The following SI variants were observed in gnomAD, a reference collection of about 807,000 sequenced individuals.
SI encodes sucrase-isomaltase, intestinal.
In SI, 235 loss-of-function variants were observed where a neutral mutation model predicts 253.3. The observed-to-expected ratio is 0.93, with a 90% CI of 0.83 to 1.03. The LOEUF is 1.03. SI is among the 50% of genes least tolerant of loss of function. The pLI, the probability that SI is intolerant of heterozygous loss-of-function variation, is 0.00. For synonymous variants in SI, 819 were observed against 712.0 expected (o/e 1.15, Z -2.39); for missense variants, 2,442 against 2,211.1 (o/e 1.10, Z -2.09).
intron 20 of SI, among the ~76,000 whole-genome samples, chr3:165,038,313 A>C (rs1712638176): frequency 6.6e-6 from 1 of 151,994 alleles, no homozygotes; most frequent in Non-Finnish European, 1.5e-5. Flanking sequence ...TTTTGGTTTA[A>C]AGTTTATGCC....
chr3:165,088,166 C>A, the SI span, among the ~76,000 whole-genome samples: 1 of 150,740 alleles, frequency 6.6e-6, no homozygotes, highest in African/African-American at 2.4e-5. Context: ...GAGAACATGG[C>A]AAAACCTTGT....
At chr3:165,075,806 C>G in intron 2 of SI, 89 bp downstream of exon 2, 4 of 824,026 alleles carry the variant, frequency 4.9e-6, no homozygotes, top group Non-Finnish European at 8.3e-6. Context: ...TCATCTTACA[C>G]AGATTATTTT....
At chr3:165,050,944 T>G (rs1298029671) in intron 13 of SI, among the ~76,000 whole-genome samples, 1 of 152,074 alleles carries the variant, frequency 6.6e-6, no homozygotes. Context: ...CTATCTTTCA[T>G]ACTACTTTCT....
chr3:165,016,145 A>T lies in SI; in HGVS notation c.3760-65T>A. ...CAAAATAGTAAGTGTATCATATTTT[A>T]TCATACTTATAAAAGTAACAGCAAT... On this transcript the variant is annotated intron_variant, in intron 31 of 47. Transcript: ENST00000264382. 5 of 1,394,254 alleles carry T rather than the reference A, an allele frequency of 3.6e-6. No individual in the cohort carries two copies. The South Asian group carries it at 4.6e-5, about 13-fold the overall frequency. The allele number at this position is 1,394,254 out of a possible 1,614,324, so 86.4% of individuals were successfully genotyped here. A position where few individuals can be genotyped will look rare whatever the true frequency, so the allele number is the denominator to read the frequency against.
intron 34 of SI, among the ~76,000 whole-genome samples, chr3:165,010,102 G>A (rs189380069): frequency 5.8e-4 from 88 of 152,138 alleles, no homozygotes; most frequent in African/African-American, 2.0e-3. Flanking sequence ...AGATATCGGA[G>A]GACATACAGA....
At chr3:165,042,875 C>T (rs576196100) in intron 17 of SI, among the ~76,000 whole-genome samples, 184 bp downstream of exon 17, 40 of 151,978 alleles carry the variant, frequency 2.6e-4, no homozygotes, top group Admixed American at 1.2e-3. Flanking sequence ...CTTATTTGAC[C>T]GTTTTTTAAA....
At chr3:165,011,114 T>G (rs180691078) in intron 34 of SI, among the ~76,000 whole-genome samples, 14 of 152,304 alleles carry the variant, frequency 9.2e-5, no homozygotes, top group African/African-American at 2.6e-4. Context: ...TGTGTTTTTC[T>G]TTTAATTTTT....
chr3:165,058,890 A>ACACG, intron 12 of SI, 73 bp downstream of exon 12: 1 of 1,256,210 alleles, frequency 8.0e-7, no homozygotes, highest in Non-Finnish European at 1.2e-6. Context: ...ACACACACGC[A>ACACG]CATCCACAGA....
chr3:165,048,758 C>T (rs1713270035), intron 15 of SI, among the ~76,000 whole-genome samples: 1 of 151,794 alleles, frequency 6.6e-6, no homozygotes, highest in African/African-American at 2.4e-5. Context: ...ACTGGGATTA[C>T]AGGTGCCTGC....
chr3:165,007,893 A>T lies in SI; in HGVS notation c.4267+18T>A. On this transcript the variant is annotated intron_variant, in intron 36 of 47. Transcript: ENST00000264382. ...ATAATAACATGATAATATCAAAGGC[A>T]TACCAACAATATTGTACCTGGGAAA... 1 of 1,314,390 alleles carries T rather than the reference A, an allele frequency of 7.6e-7. No individual in the cohort carries two copies. Among genetic ancestry groups the T allele is most frequent in the Non-Finnish European group, 1.1e-6 (1 of 910,908 alleles). 81.4% of individuals were successfully genotyped at this position (1,314,390 alleles called of 1,614,324 possible).
At chr3:165,038,048 A>G in intron 20 of SI, 24 bp from the exon 21 acceptor site, 2 of 1,568,364 alleles carry the variant, frequency 1.3e-6, no homozygotes, top group African/African-American at 1.4e-5. Flanking sequence ...GATTAAAAAC[A>G]TTCTTAATAT....
intron 24 of SI, among the ~76,000 whole-genome samples, chr3:165,031,498 G>A (rs907540869): frequency 6.7e-6 from 1 of 149,314 alleles, no homozygotes; most frequent in African/African-American, 2.4e-5. Flanking sequence ...TTCACAATAA[G>A]CTTGTATTAC....
chr3:165,007,823 C>T, intron 36 of SI, 88 bp downstream of exon 36: 1 of 455,162 alleles, frequency 2.2e-6, no homozygotes, highest in Non-Finnish European at 4.0e-6. Flanking sequence ...CTATGTATAG[C>T]TAACTGATAT....
At position 165,015,128 on chromosome 3, in the gene SI, C is replaced by T. The variant is rs768951450; in HGVS notation, c.3994G>A (p.Ala1332Thr). ...TCAAGATATCGATTTAGTACCTTTGCCCAACAAATGTCATTGGTGTTTGGC... is the reference window on the plus strand; with the variant it reads ...TCAAGATATCGATTTAGTACCTTTGTCCAACAAATGTCATTGGTGTTTGGC... ...KWPNTNDICW[A>T]KVWPDLPNIT... Residue 1332 changes from alanine (A) to threonine (T), a missense_variant, in exon 33 of 48, where the codon GCA becomes ACA. By Grantham distance (58) the Ala-to-Thr change is moderately conservative. Transcript: ENST00000264382. 2 of 1,606,586 alleles carry T rather than the reference C, an allele frequency of 1.2e-6. No homozygotes were observed. Among genetic ancestry groups the T allele is most frequent in the Admixed American group, 1.7e-5 (1 of 59,974 alleles).
intron 1 of SI, among the ~76,000 whole-genome samples, chr3:165,077,097 C>A (rs1299411692): frequency 3.3e-5 from 5 of 150,352 alleles, no homozygotes; most frequent in African/African-American, 4.9e-5. Context: ...TTACAACATT[C>A]AATCATTCAA....
In SI at chr3:165,007,982, G is replaced by T; in HGVS notation, c.4196C>A (p.Ser1399Ter). 1 of 1,571,090 alleles carries T rather than the reference G, an allele frequency of 6.4e-7. No individual in the cohort carries two copies. The highest frequency in any genetic ancestry group is 1.1e-5 in the South Asian group (1 of 90,122). ...DGLWIDMNEP[S>*]SFVNGTTTNQ... is the part of the protein sequence containing the mutation. ...AGTAGTTGTTCCATTTACAAAACTT[G>T]ATGGCTCATTCATATCCTTAAAAAA... is the stretch of plus-strand genomic sequence containing the variant. The change falls in exon 36 of 48, where the codon TCA (serine) becomes TAA (stop). Residue 1399 changes from serine to a stop codon, truncating the protein, a stop_gained. Transcript: ENST00000264382. LOFTEE classifies it high-confidence loss of function.
intron 25 of SI, among the ~76,000 whole-genome samples, chr3:165,024,858 T>TCTAA (rs1235757042): frequency 6.6e-6 from 1 of 151,266 alleles, no homozygotes; most frequent in East Asian, 1.9e-4. Context: ...TTGAACTCAC[T>TCTAA]CTAACTAGGC....
chr3:165,021,072 T>G (rs1181729076), intron 27 of SI, among the ~76,000 whole-genome samples, 157 bp downstream of exon 27: 1 of 151,684 alleles, frequency 6.6e-6, no homozygotes, highest in Admixed American at 6.6e-5. Flanking sequence ...TGGACTATGT[T>G]TAGCTAGAAA....
In SI at chr3:164,996,600, T is replaced by C. The variant is rs756341887; in HGVS notation, c.4627A>G (p.Thr1543Ala). ...FFNNSEYHLC[T>A]RWMQLGAFYP... is the part of the protein sequence containing the mutation. Reference sequence around the variant, plus strand: ...AATGCTCCAAGTTGCATCCAGCGGGTACAGAGATGATATTCTGAGTTGTTG... The same window carrying C: ...AATGCTCCAAGTTGCATCCAGCGGGCACAGAGATGATATTCTGAGTTGTTG... Residue 1543 changes from threonine to alanine, a missense_variant, in exon 40 of 48, where the codon ACC becomes GCC. By Grantham distance (58) the Thr-to-Ala change is moderately conservative (BLOSUM62 0). Transcript: ENST00000264382. The C allele has an allele frequency of 1.7e-5, 27 of 1,610,474 alleles. No homozygotes were observed. Among genetic ancestry groups the C allele is most frequent in the Non-Finnish European group, 2.3e-5 (27 of 1,177,336 alleles).
Sources: gnomAD v4.1 joint callset for allele counts (sites outside exome capture counted in the v4.1 genomes callset) on GRCh38, gnomAD v4.1.1 for gene constraint, MANE v1.5 for transcripts, NCBI Gene and HGNC (gene_info 2026-07-23, HGNC 2026-07-21) for gene names.